KALRN: variants seen among roughly 807,000 people sequenced by gnomAD.
The protein encoded by KALRN is kalirin.
KALRN carries 70 observed loss-of-function variants against 353.7 expected under a neutral mutation model. The observed-to-expected ratio is 0.20, with a 90% CI of 0.16 to 0.24. The LOEUF (loss-of-function observed/expected upper bound fraction) is 0.24, where lower values mean the gene tolerates loss of function less well. KALRN is among the 10% of genes least tolerant of loss of function. The pLI is 1.00. For synonymous variants in KALRN, 1,391 were observed against 1,434.8 expected (o/e 0.97, Z 0.69); for missense variants, 2,791 against 3,756.7 (o/e 0.74, Z 6.72).
chr3:124,164,070 C>T, intron 1 of KALRN: 1 of 690,968 alleles, frequency 1.4e-6, no homozygotes, highest in Non-Finnish European at 1.8e-6. Context: ...ATCACTGCAT[C>T]CAGATTGGAC....
At position 124,393,596 on chromosome 3, in the gene KALRN, TC is replaced by T. The variant is rs202175286; in HGVS notation, c.1963-1536del. On this transcript the variant is annotated intron_variant, in intron 11 of 59. Coordinates refer to ENST00000682506, the MANE Select transcript of KALRN (RefSeq NM_001388419.1). ...AGGGATGCTGAATAATAATTTGCAT[TC>T]CCTATAGCAATCAGCATAATGCTGT... Among the ~76,000 whole-genome samples, 1,729 of 152,348 alleles carry T rather than the reference TC, an allele frequency of 0.011. 59 individuals are homozygous for T. The East Asian group carries it at 0.12, about 11-fold the overall frequency.
rs2082127652 is a variant in KALRN at position 124,642,314 on chromosome 3, G to A, written c.5664+5011G>A. Among the ~76,000 whole-genome samples, 2 of 151,966 alleles carry A rather than the reference G, an allele frequency of 1.3e-5. 1 individual carries two copies. The highest frequency in any genetic ancestry group is 4.2e-4 in the South Asian group (2 of 4,806). The stretch of plus-strand genomic sequence containing the variant: ...AAAACAAAAAATTAAAAGAGAGAGA[G>A]AGAGAGAGATAGAAAAGAAAAGAAA... On this transcript the variant is annotated intron_variant, in intron 37 of 59. Transcript: ENST00000682506.
intron 33 of KALRN, among the ~76,000 whole-genome samples, chr3:124,547,835 C>T (rs1364413341): frequency 6.9e-6 from 1 of 144,134 alleles, no homozygotes; most frequent in Non-Finnish European, 1.5e-5. Flanking sequence ...CTTACATGTA[C>T]CAAACATGTT....
chr3:124,264,056 A>AT (rs5852399), intron 3 of KALRN, among the ~76,000 whole-genome samples: 1,897 of 143,320 alleles, frequency 0.013, 25 homozygotes, highest in Admixed American at 0.024. Flanking sequence ...TGGACTTTGG[A>AT]TTTTTTTTTT....
intron 25 of KALRN, among the ~76,000 whole-genome samples, chr3:124,470,798 C>G (rs558152713): frequency 1.3e-5 from 2 of 152,158 alleles, no homozygotes; most frequent in African/African-American, 4.8e-5. Flanking sequence ...GTCTGATACT[C>G]GCCCCAAAAG....
At position 124,135,402 on chromosome 3, in the gene KALRN, A is replaced by G. The variant is rs151087696; in HGVS notation, c.74-92588A>G. Among the ~76,000 whole-genome samples the G allele has an allele frequency of 3.0e-3, 451 of 152,258 alleles. 1 individual carries two copies. The highest frequency in any genetic ancestry group is 0.01 in the African/African-American group (423 of 41,558). On this transcript the variant is annotated intron_variant, in intron 1 of 59. Coordinates refer to ENST00000682506, the MANE Select transcript of KALRN (RefSeq NM_001388419.1). ...GAAGAGTGGGAGGGGGGCAAGGGAT[A>G]AAAGATTATAGATATGGTGCAGGGT... is the stretch of plus-strand genomic sequence containing the variant.
intron 33 of KALRN, among the ~76,000 whole-genome samples, chr3:124,550,940 G>T (rs2070444303): frequency 6.6e-6 from 1 of 152,152 alleles, no homozygotes; most frequent in Non-Finnish European, 1.5e-5. Context: ...AGTGAGCCGA[G>T]ATCGCACCAC....
intron 12 of KALRN, 33 bp from the exon 13 acceptor site, chr3:124,398,664 C>T (rs1320886121): frequency 1.2e-6 from 2 of 1,612,564 alleles, no homozygotes; most frequent in East Asian, 2.2e-5. Flanking sequence ...GGAAAGGCCT[C>T]TCCCTCCCTT....
At chr3:124,405,837 G>A (rs1415198744) in intron 13 of KALRN, among the ~76,000 whole-genome samples, 1 of 151,962 alleles carries the variant, frequency 6.6e-6, no homozygotes, top group African/African-American at 2.4e-5. Flanking sequence ...GTAGAGATGA[G>A]GTTTCACTGT....
intron 15 of KALRN, among the ~76,000 whole-genome samples, chr3:124,428,277 G>A (rs1322498091): frequency 6.6e-6 from 1 of 152,092 alleles, no homozygotes; most frequent in African/African-American, 2.4e-5. Flanking sequence ...ACAGATTCTG[G>A]AATAAAGCTG....
Position 124,637,130 on chromosome 3 carries a change from A to T in KALRN, c.5569-78A>T. 2.5e-6 allele frequency: 3 copies of T among 1,200,766 alleles called. No homozygotes were observed. In the South Asian group the frequency reaches 3.6e-5, roughly 15 times the overall value. The allele number at this position is 1,200,766 out of a possible 1,614,324, so 74.4% of individuals were successfully genotyped here. ...TTCCCTTCCCTGGCTTGAGCTTTGG[A>T]CTTTCTGTTTTATTTCCTGATCACT... On this transcript the variant is annotated intron_variant, in intron 36 of 59. Transcript: ENST00000682506.
Position 124,227,972 on chromosome 3 carries a change from T to C in KALRN, c.74-18T>C, listed in dbSNP as rs369945118. 1 of 1,608,852 alleles carries C rather than the reference T, an allele frequency of 6.2e-7. No individual in the cohort carries two copies. Among genetic ancestry groups the C allele is most frequent in the African/African-American group, 1.3e-5 (1 of 74,802 alleles). ...TGGCTCCTCTCACCCTGATTCCTTCTGGTTTGTTGTCCCACAGGGTCTTTT... is the reference window on the plus strand; with the variant it reads ...TGGCTCCTCTCACCCTGATTCCTTCCGGTTTGTTGTCCCACAGGGTCTTTT... On this transcript the variant is annotated intron_variant, in intron 1 of 59. Transcript: ENST00000682506.
At chr3:124,625,779 T>C (rs2079879943) in intron 34 of KALRN, among the ~76,000 whole-genome samples, 1 of 152,134 alleles carries the variant, frequency 6.6e-6, no homozygotes, top group Non-Finnish European at 1.5e-5. Context: ...TGAAAGAATA[T>C]TATTCAACAA....
intron 14 of KALRN, among the ~76,000 whole-genome samples, chr3:124,416,320 G>T (rs964537982): frequency 2.0e-5 from 3 of 152,236 alleles, no homozygotes; most frequent in Non-Finnish European, 2.9e-5. Flanking sequence ...AAGTCCCTGA[G>T]GACTGCTTAT....
At chr3:124,621,380 G>T (rs1487350648) in intron 34 of KALRN, among the ~76,000 whole-genome samples, 1 of 152,168 alleles carries the variant, frequency 6.6e-6, no homozygotes. Context: ...AAGTGGTAAG[G>T]TAAAGGATGT....
chr3:124,513,799 C>G (rs1337613215), intron 33 of KALRN, among the ~76,000 whole-genome samples: 1 of 152,136 alleles, frequency 6.6e-6, no homozygotes, highest in African/African-American at 2.4e-5. Context: ...GCCAGCCTGT[C>G]ACTCAGGAGG....
At chr3:124,681,554 G>A (rs2087769096) in intron 51 of KALRN, among the ~76,000 whole-genome samples, 1 of 151,612 alleles carries the variant, frequency 6.6e-6, no homozygotes, top group African/African-American at 2.4e-5. Context: ...GTTGTTGGAA[G>A]CAGCAATATC....
chr3:124,098,279 A>G (rs1279317901), intron 1 of KALRN, among the ~76,000 whole-genome samples: 2 of 152,150 alleles, frequency 1.3e-5, no homozygotes, highest in Non-Finnish European at 2.9e-5. Flanking sequence ...ACAGTCCAGA[A>G]GACAATCTGT....
At chr3:124,136,643 C>T (rs1023804922) in intron 1 of KALRN, among the ~76,000 whole-genome samples, 1 of 152,082 alleles carries the variant, frequency 6.6e-6, no homozygotes, top group Admixed American at 6.5e-5. Flanking sequence ...TTTAGGGTCT[C>T]CTCACAGGGA....
Sources: allele counts gnomAD v4.1 joint callset (sites outside exome capture counted in the v4.1 genomes callset), GRCh38; gene constraint gnomAD v4.1.1; transcripts MANE v1.5; gene names NCBI Gene and HGNC (gene_info 2026-07-23, HGNC 2026-07-21).